Variants in ATP2B1 observed in about 807,000 individuals in gnomAD.
ATP2B1 encodes ATPase plasma membrane Ca2+ transporting 1, also known as plasma membrane calcium-transporting ATPase 1.
ATP2B1 carries 14 observed loss-of-function variants against 124.2 expected under a neutral mutation model. That is an observed-to-expected ratio of 0.11 (90% confidence interval 0.07 to 0.18). ATP2B1 has a LOEUF of 0.18. Among genes scored for constraint, ATP2B1 ranks in the 10% least tolerant of loss-of-function variants. The probability of loss-of-function intolerance (pLI) is 1.00; values close to 1 mark genes in which losing one functional copy is unlikely to be tolerated. For synonymous variants in ATP2B1, 449 were observed against 492.4 expected (o/e 0.91, Z 1.17); for missense variants, 763 against 1,466.1 (o/e 0.52, Z 7.83).
intron 2 of ATP2B1, among the ~76,000 whole-genome samples, chr12:89,653,537 T>A (rs1294079224): frequency 6.6e-6 from 1 of 151,800 alleles, no homozygotes; most frequent in Non-Finnish European, 1.5e-5. Flanking sequence ...GACCTCATGA[T>A]CCACCCGCCT....
At chr12:89,635,982 CAAAT>C (rs1421166432) in intron 3 of ATP2B1, among the ~76,000 whole-genome samples, 1 of 152,004 alleles carries the variant, frequency 6.6e-6, no homozygotes, top group East Asian at 1.9e-4. Flanking sequence ...TAATAATACA[CAAAT>C]AATTAATTTC....
chr12:89,658,939 C>T (rs1592894677), intron 1 of ATP2B1, among the ~76,000 whole-genome samples: 1 of 152,298 alleles, frequency 6.6e-6, no homozygotes, highest in South Asian at 2.1e-4. Flanking sequence ...TACCAATCAC[C>T]TACAAATTAT....
rs562610723 is a variant in ATP2B1 at position 89,646,929 on chromosome 12, G to A, written c.209-4574C>T. 3.3e-5 allele frequency among the ~76,000 whole-genome samples: 5 copies of A among 152,194 alleles called. No individual in the cohort carries two copies. In the South Asian group the frequency reaches 8.3e-4, roughly 25 times the overall value. On this transcript the variant is annotated intron_variant, in intron 2 of 20. Coordinates refer to ENST00000428670, the MANE Select transcript of ATP2B1 (RefSeq NM_001366521.1). ...ACACTGATGATACAGGAGATGAAGG[G>A]TAATACCACAGGTAAGCCTTCGAAG...
intron 1 of ATP2B1, among the ~76,000 whole-genome samples, chr12:89,670,670 T>C (rs1290895037): frequency 6.6e-6 from 1 of 152,132 alleles, no homozygotes; most frequent in African/African-American, 2.4e-5. Context: ...TGTGACGGTT[T>C]TAAAATTAAT....
chr12:89,591,194 C>T lies in ATP2B1; in HGVS notation c.3453G>A (p.Arg1151=). 2 of 1,613,250 alleles carry T rather than the reference C, an allele frequency of 1.2e-6. No individual in the cohort carries two copies. The highest frequency in any genetic ancestry group is 1.7e-6 in the Non-Finnish European group (2 of 1,179,376). ...GGATATGAGGCTCTGAATCTTCTAT[C>T]CTAAACTCAGGATGTGTCATAAAGT... ...IHNFMTHPEF[R]IEDSEPHIPL... is the part of the protein sequence containing the mutation. The change falls in exon 21 of 21, where the codon AGG becomes AGA. Residue 1151 remains arginine, a synonymous_variant. Coordinates refer to ENST00000428670, the MANE Select transcript of ATP2B1 (RefSeq NM_001366521.1).
chr12:89,627,588 T>C (rs760977451), intron 7 of ATP2B1, 90 bp downstream of exon 7: 120 of 1,420,514 alleles, frequency 8.4e-5, no homozygotes, highest in Non-Finnish European at 1.1e-4. Context: ...CCCTGCCACA[T>C]GTATCTTACT....
intron 11 of ATP2B1, among the ~76,000 whole-genome samples, chr12:89,619,377 C>T (rs989203884): frequency 3.3e-5 from 5 of 151,920 alleles, no homozygotes; most frequent in South Asian, 2.1e-4. Flanking sequence ...TTTGGGAGGC[C>T]GACACAGGCA....
At chr12:89,650,319 C>A (rs970208800) in intron 2 of ATP2B1, among the ~76,000 whole-genome samples, 1 of 152,158 alleles carries the variant, frequency 6.6e-6, no homozygotes, top group African/African-American at 2.4e-5. Context: ...GCAATCCCGT[C>A]CCTAACTGCA....
chr12:89,693,451 C>T (rs1210752813), intron 1 of ATP2B1, among the ~76,000 whole-genome samples: 1 of 152,074 alleles, frequency 6.6e-6, no homozygotes, highest in African/African-American at 2.4e-5. Context: ...CTGGACAGGA[C>T]AGAAGAACTT....
chr12:89,644,155 C>T (rs1369198089), intron 2 of ATP2B1, among the ~76,000 whole-genome samples: 1 of 151,958 alleles, frequency 6.6e-6, no homozygotes, highest in African/African-American at 2.4e-5. Flanking sequence ...AAAAAGAATG[C>T]TAGAGAAGAA....
chr12:89,627,687 G>T lies in ATP2B1; in HGVS notation c.958C>A (p.Arg320Ser). ...NKKQDGAIEN[R>S]NKAKAQDGAA... The stretch of plus-strand genomic sequence containing the variant: ...GTCCTCCTAAATTTACCTTTGTTGC[G>T]ATTCTCAATAGCTCCATCTTGTTTC... The change falls in exon 7 of 21, where the codon CGC (arginine) becomes AGC (serine). Residue 320 changes from arginine (R) to serine (S), a missense_variant. This residue lies in a region of ATP2B1 where 392 missense variants were observed against 776.6 expected (regional missense o/e 0.50). Coordinates refer to ENST00000428670, the MANE Select transcript of ATP2B1 (RefSeq NM_001366521.1). 6.2e-7 allele frequency: 1 copy of T among 1,613,744 alleles called. No individual in the cohort carries two copies. Among genetic ancestry groups the T allele is most frequent in the Non-Finnish European group, 8.5e-7 (1 of 1,179,864 alleles).
chr12:89,626,318 C>A, intron 8 of ATP2B1, 136 bp downstream of exon 8: 1 of 978,346 alleles, frequency 1.0e-6, no homozygotes, highest in Non-Finnish European at 1.5e-6. Context: ...TGCATTGTAG[C>A]TAGAACTGAA....
Position 89,643,065 on chromosome 12 carries a change from T to C in ATP2B1, c.209-710A>G, listed in dbSNP as rs189547648. ...TGGGAAGTTTATATATAAAGATACA[T>C]ACACACACACACACACACACACACA... On this transcript the variant is annotated intron_variant, in intron 2 of 20. Coordinates refer to ENST00000428670, the MANE Select transcript of ATP2B1 (RefSeq NM_001366521.1). Among the ~76,000 whole-genome samples the C allele has an allele frequency of 1.7e-4, 25 of 143,640 alleles. 1 individual carries two copies. The highest frequency in any genetic ancestry group is 2.8e-4 in the African/African-American group (11 of 38,710). 94.2% of individuals were successfully genotyped at this position (143,640 alleles called of 152,430 possible).
intron 1 of ATP2B1, among the ~76,000 whole-genome samples, chr12:89,659,357 A>AACAC (rs10648843): frequency 0.028 from 4,160 of 149,256 alleles, 97 homozygotes; most frequent in African/African-American, 0.069. Flanking sequence ...GGTATTACAA[A>AACAC]ACACACACAC....
At chr12:89,672,883 T>C (rs1431958865) in intron 1 of ATP2B1, among the ~76,000 whole-genome samples, 1 of 152,250 alleles carries the variant, frequency 6.6e-6, no homozygotes, top group African/African-American at 2.4e-5. Context: ...TACTGTACCT[T>C]GTCTGAAAGA....
chr12:89,659,915 C>CAAAAA (rs1234238576), intron 1 of ATP2B1, among the ~76,000 whole-genome samples: 1 of 42,512 alleles, frequency 2.4e-5, no homozygotes, highest in Admixed American at 2.5e-4. Context: ...AAGCGAGACT[C>CAAAAA]AAAAAAAAAA....
intron 3 of ATP2B1, among the ~76,000 whole-genome samples, chr12:89,641,403 G>A (rs1298685502): frequency 6.6e-6 from 1 of 152,118 alleles, no homozygotes; most frequent in African/African-American, 2.4e-5. Flanking sequence ...TTTCAGATTT[G>A]GGAATATGTG....
intron 19 of ATP2B1, 35 bp from the exon 20 acceptor site, chr12:89,599,334 A>G (rs758667242): frequency 2.5e-6 from 4 of 1,600,806 alleles, no homozygotes; most frequent in African/African-American, 1.3e-5. Context: ...GAAATAAATC[A>G]TATCAAGTAA....
intron 1 of ATP2B1, among the ~76,000 whole-genome samples, chr12:89,662,882 A>G (rs1302286147): frequency 6.6e-6 from 1 of 152,034 alleles, no homozygotes; most frequent in African/African-American, 2.4e-5. Context: ...TGGCATGAAC[A>G]CTTTAGCAAA....
Sources: allele counts gnomAD v4.1 joint callset (sites outside exome capture counted in the v4.1 genomes callset), GRCh38; gene constraint gnomAD v4.1.1; regional missense constraint gnomAD v4.1.1; transcripts MANE v1.5; gene names NCBI Gene and HGNC (gene_info 2026-07-23, HGNC 2026-07-21).